Variants in MGAT5 observed in about 807,000 individuals in gnomAD.
The protein encoded by MGAT5 is alpha-1,6-mannosylglycoprotein 6-beta-N-acetylglucosaminyltransferase A.
A neutral mutation model predicts 94.3 loss-of-function variants in MGAT5; 30 were observed. The observed-to-expected ratio is 0.32, with a 90% CI of 0.24 to 0.43. The LOEUF (loss-of-function observed/expected upper bound fraction) is 0.43, where lower values mean the gene tolerates loss of function less well. MGAT5 is among the 20% of genes least tolerant of loss of function. The probability of loss-of-function intolerance (pLI) is 1.00; values close to 1 mark genes in which losing one functional copy is unlikely to be tolerated. For missense variants in MGAT5, 691 were observed against 905.5 expected (o/e 0.76, Z 3.04); for synonymous variants, 310 against 322.9 (o/e 0.96, Z 0.43).
intron 1 of MGAT5, among the ~76,000 whole-genome samples, chr2:134,158,026 C>G (rs924516636): frequency 1.3e-5 from 2 of 152,188 alleles, no homozygotes; most frequent in African/African-American, 4.8e-5. Flanking sequence ...CCGAGTCTGG[C>G]TGAGTCCAGC....
chr2:134,182,571 C>A lies in MGAT5; in HGVS notation c.-143+62280C>A, dbSNP rs190305425. Among the ~76,000 whole-genome samples the A allele has an allele frequency of 9.2e-5, 14 of 152,200 alleles. No individual in the cohort carries two copies. The East Asian group carries it at 2.7e-3, about 29-fold the overall frequency. ...CATTGGTATGCAGCATGATTTACAA[C>A]CAAACACACCTGTGTTAGGAGTACC... is the stretch of plus-strand genomic sequence containing the variant. On this transcript the variant is annotated intron_variant, in intron 1 of 16. Transcript: ENST00000409645.
Position 134,254,452 on chromosome 2 carries a change from T to A in MGAT5, c.49T>A (p.Phe17Ile). The change falls in exon 1 of 16, where the codon TTC becomes ATC. Residue 17 changes from phenylalanine (F) to isoleucine (I), a missense_variant. By Grantham distance (21) the Phe-to-Ile change is conservative. Transcript: ENST00000281923. Reference sequence around the variant, plus strand: ...GTTGTCCTCTCAGAAGCTGGGCTTTTTCCTGGTGACTTTTGGCTTCATTTG... The same window carrying A: ...GTTGTCCTCTCAGAAGCTGGGCTTTATCCTGGTGACTTTTGGCTTCATTTG... The part of the protein sequence containing the change: ...WKLSSQKLGF[F>I]LVTFGFIWGM... The A allele has an allele frequency of 1.9e-6, 3 of 1,614,236 alleles. No homozygotes were observed. Among genetic ancestry groups the A allele is most frequent in the Non-Finnish European group, 2.5e-6 (3 of 1,180,042 alleles).
intron 1 of MGAT5, among the ~76,000 whole-genome samples, chr2:134,125,941 A>C (rs1378744550): frequency 6.6e-6 from 1 of 152,194 alleles, no homozygotes; most frequent in Non-Finnish European, 1.5e-5. Context: ...GGCTCCTCTC[A>C]GCATTGATTT....
At chr2:134,140,829 C>T (rs113858508) in intron 1 of MGAT5, among the ~76,000 whole-genome samples, 5 of 152,170 alleles carry the variant, frequency 3.3e-5, no homozygotes, top group African/African-American at 4.8e-5. Context: ...AACTAAGGCA[C>T]GGAGAGGTTA....
intron 4 of MGAT5, among the ~76,000 whole-genome samples, chr2:134,331,722 G>C (rs1006856140): frequency 6.6e-6 from 1 of 151,664 alleles, no homozygotes; most frequent in Non-Finnish European, 1.5e-5. Flanking sequence ...AGTTGAGAAA[G>C]TGTGAAGGAA....
At position 134,338,294 on chromosome 2, in the gene MGAT5, T is replaced by C. The variant is rs749154809; in HGVS notation, c.681T>C (p.Ser227=). ...GTACAGATTTTAATATTCTCTACAG[T>C]ATGATGAAAAAGCATGAAGAATTCC... ...EIRTDFNILY[S]MMKKHEEFRW... Residue 227 remains serine, a synonymous_variant, in exon 6 of 16, where the codon AGT becomes AGC. Transcript: ENST00000281923. The C allele has an allele frequency of 1.9e-6, 3 of 1,612,822 alleles. No individual in the cohort carries two copies. In the African/African-American group the frequency reaches 4.0e-5, roughly 22 times the overall value.
chr2:134,127,285 T>A (rs908963561), intron 1 of MGAT5: 2 of 154,746 alleles, frequency 1.3e-5, no homozygotes, highest in African/African-American at 4.8e-5. Context: ...AAAGTTCTAG[T>A]CTCTGTGACT....
At chr2:134,314,219 C>A (rs777700156) in intron 2 of MGAT5, among the ~76,000 whole-genome samples, 12 of 152,208 alleles carry the variant, frequency 7.9e-5, no homozygotes, top group African/African-American at 1.2e-4. Flanking sequence ...CTTGAGCACT[C>A]TTAAGCCAAT....
At chr2:134,447,353 C>T (rs143881650) in intron 15 of MGAT5, among the ~76,000 whole-genome samples, 1 of 152,288 alleles carries the variant, frequency 6.6e-6, no homozygotes, top group Non-Finnish European at 1.5e-5. Context: ...AGGGTGATGA[C>T]GACAATGACC....
rs1455148089 is a variant in MGAT5 at position 134,417,838 on chromosome 2, T to C, written c.1677+4823T>C. Among the ~76,000 whole-genome samples, 3 of 152,184 alleles carry C rather than the reference T, an allele frequency of 2.0e-5. No homozygotes were observed. In the East Asian group the frequency reaches 5.8e-4, roughly 29 times the overall value. ...ACAAATAAATACAGTATTTATTGTA[T>C]CATATAGGACTGGATCATGTCTGCA... On this transcript the variant is annotated intron_variant, in intron 12 of 15. Transcript: ENST00000281923.
intron 2 of MGAT5, among the ~76,000 whole-genome samples, chr2:134,314,921 C>T (rs896962112): frequency 6.6e-6 from 1 of 152,188 alleles, no homozygotes; most frequent in African/African-American, 2.4e-5. Flanking sequence ...CCCATCCATT[C>T]GTTCAGCTGT....
intron 10 of MGAT5, among the ~76,000 whole-genome samples, chr2:134,374,750 T>C (rs920424239): frequency 3.9e-5 from 6 of 152,174 alleles, no homozygotes; most frequent in African/African-American, 2.4e-5. Context: ...CCCAGTACTT[T>C]GGAAGGCCGA....
intron 1 of MGAT5, among the ~76,000 whole-genome samples, chr2:134,234,468 A>G (rs1573578040): frequency 6.6e-6 from 1 of 152,366 alleles, no homozygotes; most frequent in Non-Finnish European, 1.5e-5. Context: ...TTATAAGACT[A>G]TGGGGGTCCA....
At chr2:134,416,725 C>T (rs1039626250) in intron 12 of MGAT5, among the ~76,000 whole-genome samples, 19 of 150,610 alleles carry the variant, frequency 1.3e-4, no homozygotes, top group Admixed American at 1.3e-3. Flanking sequence ...TTCCAAGTAG[C>T]TTAGGATTAC....
intron 2 of MGAT5, among the ~76,000 whole-genome samples, chr2:134,288,037 G>C (rs1177067437): frequency 6.6e-6 from 1 of 152,142 alleles, no homozygotes. Context: ...TTCTGTCCAT[G>C]TCTTTCTTTG....
intron 2 of MGAT5, among the ~76,000 whole-genome samples, chr2:134,290,434 C>A (rs918713888): frequency 6.6e-6 from 1 of 152,198 alleles, no homozygotes; most frequent in Non-Finnish European, 1.5e-5. Context: ...TAGTCATCCT[C>A]TTCCTTTCTT....
rs545209279 is a variant in MGAT5 at position 134,262,500 on chromosome 2, T to C, written c.241+7856T>C. On this transcript the variant is annotated intron_variant, in intron 1 of 15. Transcript: ENST00000281923. ...CTCAAGTGATCCTCCCATCTCAGCC[T>C]CCAGAGTAGCTGGGACTATAGGCAT... Among the ~76,000 whole-genome samples the C allele has an allele frequency of 1.8e-4, 27 of 152,146 alleles. No homozygotes were observed. The South Asian group carries it at 5.6e-3, about 32-fold the overall frequency.
intron 1 of MGAT5, among the ~76,000 whole-genome samples, chr2:134,159,225 G>GT (rs57314302): frequency 8.0e-5 from 12 of 150,212 alleles, no homozygotes; most frequent in Non-Finnish European, 1.0e-4. Context: ...GTGTGTGTGT[G>GT]GTCCCTGTAT....
intron 1 of MGAT5, among the ~76,000 whole-genome samples, chr2:134,187,491 G>A (rs1044105664): frequency 3.9e-5 from 6 of 152,276 alleles, no homozygotes; most frequent in South Asian, 2.1e-4. Flanking sequence ...AGCCACACAC[G>A]TTGTCTTTTA....
Sources: gnomAD v4.1 joint callset for allele counts (sites outside exome capture counted in the v4.1 genomes callset) on GRCh38, gnomAD v4.1.1 for gene constraint, MANE v1.5 for transcripts, NCBI Gene and HGNC (gene_info 2026-07-23, HGNC 2026-07-21) for gene names.